The following HPS5 variants were observed in gnomAD, a reference collection of about 807,000 sequenced individuals.
HPS5 encodes HPS5 biogenesis of lysosomal organelles complex 2 subunit 2.
Under a neutral mutation model 128.0 loss-of-function variants are expected in HPS5, and 83 were observed. The ratio of observed to expected loss-of-function variants is 0.65; its 90% CI spans 0.54 to 0.78. The LOEUF (loss-of-function observed/expected upper bound fraction) is 0.78, where lower values mean the gene tolerates loss of function less well. HPS5 is among the 30% of genes least tolerant of loss of function. HPS5 has a pLI of 0.00. For synonymous variants in HPS5, 475 were observed against 470.2 expected, an observed-to-expected ratio of 1.01 and a Z score of -0.13; for missense variants, 1,281 against 1,326.2, an observed-to-expected ratio of 0.97 and a Z score of 0.53.
intron 1 of HPS5, among the ~76,000 whole-genome samples, chr11:18,320,355 T>C (rs970613227): frequency 1.3e-5 from 2 of 152,210 alleles, no homozygotes; most frequent in African/African-American, 4.8e-5. Flanking sequence ...TCAGTGAACA[T>C]GTCCACCTAA....
rs1047784788 is a variant in HPS5, at chr11:18,281,963, C to T, written c.3316G>A (p.Glu1106Lys). The change falls in exon 22 of 23, where the codon GAG becomes AAG. Residue 1106 changes from glutamate (E) to lysine (K), a missense_variant. Glu to Lys is a moderately conservative substitution (Grantham distance 56). Transcript: ENST00000349215. ...TRTCDILRIA[E>K]KRQRALIQSM... is the part of the protein sequence containing the mutation. ...AACTGATATTACCTCTGCCTTTTCT[C>T]AGCAATCCTCAGGATATCGCAGGTT... is the stretch of plus-strand genomic sequence containing the variant. 3 of 1,614,194 alleles carry T rather than the reference C, an allele frequency of 1.9e-6. No homozygotes were observed. Among genetic ancestry groups the T allele is most frequent in the Admixed American group, 1.7e-5 (1 of 60,020 alleles).
chr11:18,298,920 T>C lies in HPS5; in HGVS notation c.1036A>G (p.Asn346Asp), dbSNP rs1861393005. ...AGGGAGAGATGTGAGACTTTCCCAT[T>C]TAGGTGCAAACAGAACAATTCATTC... ...CRNELFCLHL[N>D]GKVSHLSLIS... Residue 346 changes from asparagine to aspartate, a missense_variant, in exon 10 of 23, where the codon AAT becomes GAT. Transcript: ENST00000349215. The C allele has an allele frequency of 1.2e-6, 2 of 1,614,034 alleles. No homozygotes were observed. Among genetic ancestry groups the C allele is most frequent in the African/African-American group, 1.3e-5 (1 of 74,898 alleles).
At position 18,298,893 on chromosome 11, in the gene HPS5, T is replaced by A; in HGVS notation, c.1063A>T (p.Ile355Leu). 1 of 1,614,052 alleles carries A rather than the reference T, an allele frequency of 6.2e-7. No individual in the cohort carries two copies. The highest frequency in any genetic ancestry group is 8.5e-7 in the Non-Finnish European group (1 of 1,179,896). Residue 355 changes from isoleucine to leucine, a missense_variant, in exon 10 of 23, where the codon ATA becomes TTA. Transcript: ENST00000349215. Reference sequence around the variant, plus strand: ...CGTTCCACACAGCGCTCCACAGATATCAGGGAGAGATGTGAGACTTTCCCA... The same window carrying A: ...CGTTCCACACAGCGCTCCACAGATAACAGGGAGAGATGTGAGACTTTCCCA... ...LNGKVSHLSL[I>L]SVERCVERLL...
intron 1 of HPS5, 130 bp from the exon 2 acceptor site, chr11:18,318,037 A>G (rs1590157411): frequency 3.0e-6 from 2 of 656,692 alleles, no homozygotes; most frequent in East Asian, 2.7e-5. Context: ...AAGAAAACAC[A>G]TAAGGTAACA....
At chr11:18,292,794 C>T in intron 15 of HPS5, 105 bp downstream of exon 15, 3 of 872,208 alleles carry the variant, frequency 3.4e-6, no homozygotes, top group Non-Finnish European at 5.9e-6. Context: ...CTCTAATCAA[C>T]TATATATTTC....
At position 18,308,853 on chromosome 11, in the gene HPS5, T is replaced by A. The variant is rs886517750; in HGVS notation, c.611+93A>T. On this transcript the variant is annotated intron_variant, in intron 6 of 22. Transcript: ENST00000349215. The stretch of plus-strand genomic sequence containing the variant: ...AAAAGAAAAAGAAAAAAAATCTGTA[T>A]AACTGATTGATGGGGCTTGGGGTAG... 11 of 1,274,012 alleles carry A rather than the reference T, an allele frequency of 8.6e-6. No homozygotes were observed. In the African/African-American group the frequency reaches 1.2e-4, roughly 14 times the overall value. 78.9% of individuals were successfully genotyped at this position (1,274,012 alleles called of 1,614,324 possible).
intron 7 of HPS5, 112 bp downstream of exon 7, chr11:18,306,023 C>G (rs1862320136): frequency 2.3e-6 from 2 of 856,992 alleles, no homozygotes; most frequent in Non-Finnish European, 3.9e-6. Context: ...TGTGCCAACA[C>G]GCCCAGCCAG....
intron 21 of HPS5, 34 bp from the exon 22 acceptor site, chr11:18,282,254 C>G (rs751332201): frequency 1.9e-6 from 3 of 1,612,286 alleles, no homozygotes; most frequent in East Asian, 4.5e-5. Flanking sequence ...AGTTTGACCA[C>G]TCTTAGCACA....
intron 20 of HPS5, among the ~76,000 whole-genome samples, chr11:18,284,989 T>C (rs932132171): frequency 2.0e-5 from 3 of 152,094 alleles, no homozygotes; most frequent in South Asian, 2.1e-4. Flanking sequence ...ATTGAGCCCA[T>C]TTTGATCTCT....
At chr11:18,303,169 C>T (rs1861933309) in intron 8 of HPS5, among the ~76,000 whole-genome samples, 1 of 152,146 alleles carries the variant, frequency 6.6e-6, no homozygotes, top group Non-Finnish European at 1.5e-5. Flanking sequence ...GAATGAAAAA[C>T]ATAAACAAAC....
rs116041954 is a variant in HPS5, at chr11:18,289,303, C to T, written c.2441-1290G>A. Among the ~76,000 whole-genome samples the T allele has an allele frequency of 7.2e-3, 1,091 of 152,304 alleles. 16 individuals carry two copies. Among genetic ancestry groups the T allele is most frequent in the African/African-American group, 0.024 (1,012 of 41,558 alleles). ...TCAGAGGTTTGGGGAAGCCTGATGACTGCGCGGGAGCTAAACCAGACATAT... is the reference window on the plus strand; with the variant it reads ...TCAGAGGTTTGGGGAAGCCTGATGATTGCGCGGGAGCTAAACCAGACATAT... On this transcript the variant is annotated intron_variant, in intron 16 of 22. Transcript: ENST00000349215.
rs1038381991 is a variant in HPS5, at chr11:18,319,253, T to C, written c.-49-1346A>G. Among the ~76,000 whole-genome samples, 3 of 86,300 alleles carry C rather than the reference T, an allele frequency of 3.5e-5. No individual in the cohort carries two copies. The East Asian group carries it at 9.1e-4, about 26-fold the overall frequency. The allele number at this position is 86,300 out of a possible 152,430, so 56.6% of individuals were successfully genotyped here. A position where few individuals can be genotyped will look rare whatever the true frequency, so the allele number is the denominator to read the frequency against. On this transcript the variant is annotated intron_variant, in intron 1 of 22. Coordinates refer to ENST00000349215, the MANE Select transcript of HPS5 (RefSeq NM_181507.2). ...TTTATAATACGGAGGAAAAGACAAA[T>C]ACCACACACACACACACACACACAC...
rs1862881290 is a variant in HPS5 at position 18,310,770 on chromosome 11, T to C, written c.448A>G (p.Ile150Val). The change falls in exon 5 of 23, where the codon ATC (isoleucine) becomes GTC (valine). Residue 150 changes from isoleucine to valine, a missense_variant. Coordinates refer to ENST00000349215, the MANE Select transcript of HPS5 (RefSeq NM_181507.2). Reference protein sequence around the residue: ...VGDHAGKVSAIKLNTSKQAKA... With the variant: ...VGDHAGKVSAVKLNTSKQAKA... ...GCTTGTTTAGAAGTATTGAGTTTGA[T>C]AGCAGAAACCTTCCCAGCATGATCA... 4.3e-6 allele frequency: 7 copies of C among 1,614,110 alleles called. No homozygotes were observed. Among genetic ancestry groups the C allele is most frequent in the African/African-American group, 2.7e-5 (2 of 75,056 alleles).
rs1860394174 is a variant in HPS5 at position 18,291,441 on chromosome 11, C to T, written c.2440+1G>A. ...CTTTGATAAGGCAATCTGAGTATTA[C>T]CTTTCAATCCTTCAATAAAAGTATC... On this transcript the variant is annotated splice_donor_variant, in intron 16 of 22. Coordinates refer to ENST00000349215, the MANE Select transcript of HPS5 (RefSeq NM_181507.2). LOFTEE classifies it high-confidence loss of function. 6.4e-7 allele frequency: 1 copy of T among 1,572,512 alleles called. No homozygotes were observed. Among genetic ancestry groups the T allele is most frequent in the Admixed American group, 1.7e-5 (1 of 59,860 alleles).
At chr11:18,282,330 A>T (rs1859096834) in intron 21 of HPS5, 110 bp from the exon 22 acceptor site, 1 of 1,235,878 alleles carries the variant, frequency 8.1e-7, no homozygotes, top group Admixed American at 1.9e-5. Context: ...AAAATATTCA[A>T]GAACACAATC....
chr11:18,281,761 G>C (rs1252466757), intron 22 of HPS5, among the ~76,000 whole-genome samples, 189 bp downstream of exon 22: 1 of 152,142 alleles, frequency 6.6e-6, no homozygotes, highest in Non-Finnish European at 1.5e-5. Context: ...AGGTTAATCT[G>C]AACAGCATCT....
At chr11:18,285,269 T>C in intron 20 of HPS5, 77 bp downstream of exon 20, 1 of 877,568 alleles carries the variant, frequency 1.1e-6, no homozygotes, top group African/African-American at 1.6e-5. Flanking sequence ...TGTGTATTAA[T>C]TCAGACCCTT....
chr11:18,308,924 G>T, intron 6 of HPS5, 22 bp downstream of exon 6: 1 of 1,612,930 alleles, frequency 6.2e-7, no homozygotes, highest in South Asian at 1.1e-5. Context: ...CATTTCTGAT[G>T]ACTAATGGTT....
rs545895941 is a variant in HPS5, at chr11:18,299,293, G to A, written c.986-323C>T. On this transcript the variant is annotated intron_variant, in intron 9 of 22. Coordinates refer to ENST00000349215, the MANE Select transcript of HPS5 (RefSeq NM_181507.2). ...TTAGAGGCCAGACTATAAGGTTCGA[G>A]TGTTACAACCTGGTCCTCAATGAAT... 5.9e-5 allele frequency among the ~76,000 whole-genome samples: 9 copies of A among 152,322 alleles called. No individual in the cohort carries two copies. The East Asian group carries it at 1.3e-3, about 23-fold the overall frequency.
Sources: allele counts gnomAD v4.1 joint callset (sites outside exome capture counted in the v4.1 genomes callset), GRCh38; gene constraint gnomAD v4.1.1; transcripts MANE v1.5; gene names NCBI Gene and HGNC (gene_info 2026-07-23, HGNC 2026-07-21).